The following MYH14 variants were observed in gnomAD, a reference collection of about 807,000 sequenced individuals.
MYH14 encodes the protein myosin-14.
Under a neutral mutation model 255.5 loss-of-function variants are expected in MYH14, and 123 were observed. The observed-to-expected ratio is 0.48, with a 90% CI of 0.42 to 0.56. The LOEUF (loss-of-function observed/expected upper bound fraction) is 0.56. MYH14 is among the 20% of genes least tolerant of loss of function. The pLI, the probability that MYH14 is intolerant of heterozygous loss-of-function variation, is 0.00. For synonymous variants in MYH14, 1,095 were observed against 1,161.2 expected, an observed-to-expected ratio of 0.94 and a Z score of 1.16; for missense variants, 2,423 against 2,802.3, an observed-to-expected ratio of 0.86 and a Z score of 3.06.
At chr19:50,268,067 A>G in intron 23 of MYH14, 94 bp from the exon 24 acceptor site, 1 of 1,465,008 alleles carries the variant, frequency 6.8e-7, no homozygotes, top group Non-Finnish European at 9.1e-7. Context: ...TGGAGAACTT[A>G]AAGGCCAAAG....
At chr19:50,289,759 T>C (rs982629497) in intron 35 of MYH14, 111 bp downstream of exon 35, 2 of 972,220 alleles carry the variant, frequency 2.1e-6, no homozygotes, top group Non-Finnish European at 3.1e-6. Flanking sequence ...CACCACTCTG[T>C]CTCCTCCACC....
intron 39 of MYH14, among the ~76,000 whole-genome samples, chr19:50,299,352 C>T (rs2080995): frequency 0.66 from 99,814 of 151,690 alleles, 35,529 homozygotes; most frequent in East Asian, 0.99. Flanking sequence ...GGCAGATCAC[C>T]TGAGGTCAGG....
chr19:50,259,332 C>G lies in MYH14; in HGVS notation c.2354+67C>G, dbSNP rs373033084. On this transcript the variant is annotated intron_variant, in intron 19 of 42. Transcript: ENST00000642316. ...TGGGACCCGGGTCTGGAAGCCGACA[C>G]ACCTGCATTCAGGTCTCCACCCACT... 1.5e-5 allele frequency: 23 copies of G among 1,537,222 alleles called. 1 individual carries two copies. The highest frequency in any genetic ancestry group is 1.4e-4 in the African/African-American group (10 of 72,886).
Position 50,280,681 on chromosome 19 carries a change from G to A in MYH14, c.4290+298G>A, listed in dbSNP as rs142581726. ...TGGGCCTCCAGCCTCTCCCCTAACA[G>A]CTCATCCCCTGCACAGCCCCAGAAG... is the stretch of plus-strand genomic sequence containing the variant. On this transcript the variant is annotated intron_variant, in intron 32 of 42. Transcript: ENST00000642316. This position sits in a 1 kb window ranked among gnomAD's most constrained non-coding sequence, Gnocchi z 4.8. 6.6e-6 allele frequency among the ~76,000 whole-genome samples: 1 copy of A among 151,986 alleles called. No homozygotes were observed. The highest frequency in any genetic ancestry group is 1.5e-5 in the Non-Finnish European group (1 of 67,970).
chr19:50,267,715 T>C (rs2035141815), intron 23 of MYH14, among the ~76,000 whole-genome samples: 1 of 152,088 alleles, frequency 6.6e-6, no homozygotes, highest in Non-Finnish European at 1.5e-5. Context: ...GTGGTTACAT[T>C]TTAGGTATGA....
At position 50,280,351 on chromosome 19, in the gene MYH14, G is replaced by A. The variant is rs376285667; in HGVS notation, c.4258G>A (p.Ala1420Thr). 8 of 1,547,458 alleles carry A rather than the reference G, an allele frequency of 5.2e-6. No homozygotes were observed. Among genetic ancestry groups the A allele is most frequent in the South Asian group, 4.8e-5 (4 of 83,756 alleles). The change falls in exon 32 of 43, where the codon GCG becomes ACG. Residue 1420 changes from alanine (A) to threonine (T), a missense_variant. Ala to Thr is a moderately conservative substitution (Grantham distance 58). Transcript: ENST00000642316. The surrounding 1 kb of genome is among the most constrained non-coding windows in gnomAD (Gnocchi z 4.8). ...GGAGGAGGCAGCTGCCAGGGAACGG[G>A]CGGGCCGTGAACTGCAGACTGCCCA... ...LEEEAAARER[A>T]GRELQTAQAQ...
chr19:50,206,411 G>T (rs1046998230), intron 1 of MYH14, among the ~76,000 whole-genome samples: 1 of 151,446 alleles, frequency 6.6e-6, no homozygotes, highest in African/African-American at 2.4e-5. Context: ...AAGTGGATGG[G>T]GTGGGGTGGG....
intron 24 of MYH14, among the ~76,000 whole-genome samples, chr19:50,268,770 C>T (rs1290959200): frequency 6.6e-6 from 1 of 152,152 alleles, no homozygotes; most frequent in African/African-American, 2.4e-5. Flanking sequence ...CAGCTTCAGG[C>T]ATGGCTGGAT....
chr19:50,243,207 G>A (rs1205237950), intron 10 of MYH14, among the ~76,000 whole-genome samples: 6 of 152,094 alleles, frequency 3.9e-5, no homozygotes, highest in African/African-American at 1.2e-4. Context: ...AGGCCGAGGC[G>A]GGTGGATCAT....
At chr19:50,272,448 AG>A in intron 26 of MYH14, 111 bp from the exon 27 acceptor site, 4 of 1,115,388 alleles carry the variant, frequency 3.6e-6, no homozygotes, top group Non-Finnish European at 5.3e-6. Flanking sequence ...GAAGGCGTTA[AG>A]GGAGGTGCTG....
rs541405880 is a variant in MYH14, at chr19:50,266,460, G to C, written c.2695-417G>C. ...TGTAATCCCAGCTACTCGGGAGGCT[G>C]AGGCAGGAGAATCGCTTGAACCTGG... On this transcript the variant is annotated intron_variant, in intron 22 of 42. Transcript: ENST00000642316. This position sits in a 1 kb window ranked among gnomAD's most constrained non-coding sequence, Gnocchi z 4.1. Among the ~76,000 whole-genome samples, 25 of 152,328 alleles carry C rather than the reference G, an allele frequency of 1.6e-4. No homozygotes were observed. The highest frequency in any genetic ancestry group is 5.5e-4 in the African/African-American group (23 of 41,588).
Position 50,249,843 on chromosome 19 carries a change from C to T in MYH14, c.1656+20C>T, listed in dbSNP as rs1384961980. Reference sequence around the variant, plus strand: ...CGGCCGGTGAGCCCCAGGCCCCTCCCAGCCCACACTCACGGTTCAGATCCG... The same window carrying T: ...CGGCCGGTGAGCCCCAGGCCCCTCCTAGCCCACACTCACGGTTCAGATCCG... On this transcript the variant is annotated intron_variant, in intron 14 of 42. Coordinates refer to ENST00000642316, the MANE Select transcript of MYH14 (RefSeq NM_001145809.2). The T allele has an allele frequency of 6.2e-7, 1 of 1,613,504 alleles. No individual in the cohort carries two copies.
intron 15 of MYH14, among the ~76,000 whole-genome samples, chr19:50,251,533 C>T (rs879673851): frequency 0.2 from 10,442 of 52,326 alleles, 539 homozygotes; most frequent in Admixed American, 0.27. Flanking sequence ...CACACACACA[C>T]ACACACACAC....
chr19:50,231,835 G>A (rs1465435071), intron 9 of MYH14, 95 bp from the exon 10 acceptor site: 3 of 1,538,040 alleles, frequency 2.0e-6, no homozygotes, highest in Non-Finnish European at 1.8e-6. Flanking sequence ...TGACAGTGAG[G>A]ATATGGCATG....
intron 10 of MYH14, among the ~76,000 whole-genome samples, chr19:50,233,547 A>G (rs1170530570): frequency 6.6e-6 from 1 of 152,154 alleles, no homozygotes; most frequent in East Asian, 1.9e-4. Flanking sequence ...TGCTTAGGCT[A>G]ACAAAGTACC....
intron 33 of MYH14, among the ~76,000 whole-genome samples, chr19:50,282,587 T>C (rs13343541): frequency 0.42 from 63,963 of 151,892 alleles, 16,100 homozygotes; most frequent in African/African-American, 0.71. Context: ...CCTGTAATCC[T>C]AGCTACTCGG....
rs2032151952 is a variant in MYH14, at chr19:50,210,787, T to A, written c.405+17T>A. ...CTCATCTACGTGAGTGGGCTCCTGCTGGGGGGCGCGTGCGGCGGAGTTGCT... is the reference window on the plus strand; with the variant it reads ...CTCATCTACGTGAGTGGGCTCCTGCAGGGGGGCGCGTGCGGCGGAGTTGCT... On this transcript the variant is annotated intron_variant, in intron 2 of 42. Transcript: ENST00000642316. 1 of 1,550,832 alleles carries A rather than the reference T, an allele frequency of 6.4e-7. No individual in the cohort carries two copies. Among genetic ancestry groups the A allele is most frequent in the Non-Finnish European group, 8.7e-7 (1 of 1,151,300 alleles).
chr19:50,295,402 G>A (rs147036929), intron 39 of MYH14, among the ~76,000 whole-genome samples: 2,215 of 152,248 alleles, frequency 0.015, 45 homozygotes, highest in African/African-American at 0.041. Flanking sequence ...AGCACTTTGG[G>A]AGGCCAAGGT....
At chr19:50,301,340 C>T (rs2036473689) in intron 39 of MYH14, among the ~76,000 whole-genome samples, 1 of 152,112 alleles carries the variant, frequency 6.6e-6, no homozygotes, top group African/African-American at 2.4e-5. Context: ...AGTGTGATAA[C>T]CCTTAGAATG....
Sources: gnomAD v4.1 joint callset for allele counts (sites outside exome capture counted in the v4.1 genomes callset) on GRCh38, gnomAD v4.1.1 for gene constraint, Gnocchi (gnomAD v3.1) non-coding constraint, MANE v1.5 for transcripts, NCBI Gene and HGNC (gene_info 2026-07-23, HGNC 2026-07-21) for gene names.